The following MYB variants were observed in gnomAD, a reference collection of about 807,000 sequenced individuals.
MYB encodes the protein transcriptional activator Myb.
MYB carries 28 observed loss-of-function variants against 92.9 expected under a neutral mutation model. The observed-to-expected ratio is 0.30, with a 90% CI of 0.22 to 0.41. MYB has a LOEUF of 0.41. Among genes scored for constraint, MYB ranks in the 10% least tolerant of loss-of-function variants. MYB has a pLI of 1.00. For synonymous variants in MYB, 295 were observed against 329.1 expected, an observed-to-expected ratio of 0.90 and a Z score of 1.12; for missense variants, 679 against 929.3, an observed-to-expected ratio of 0.73 and a Z score of 3.50.
In MYB at chr6:135,189,792, A is replaced by C. The variant is rs1391099064; in HGVS notation, c.215A>C (p.Asn72Thr). 2 of 1,613,798 alleles carry C rather than the reference A, an allele frequency of 1.2e-6. No individual in the cohort carries two copies. The highest frequency in any genetic ancestry group is 2.2e-5 in the East Asian group (1 of 44,874). Residue 72 changes from asparagine to threonine, a missense_variant and splice_region_variant, in exon 4 of 16, where the codon AAT (asparagine) becomes ACT (threonine). Transcript: ENST00000341911. ...DWKVIANYLP[N>T]RTDVQCQHRW... ...GTGGTGCATACTTTATTTGTCTAGA[A>C]TCGAACAGATGTGCAGTGCCAGCAC...
chr6:135,207,313 T>G (rs1164085897), intron 15 of MYB, among the ~76,000 whole-genome samples: 1 of 152,238 alleles, frequency 6.6e-6, no homozygotes, highest in Admixed American at 6.5e-5. Context: ...ATTTTAAAAT[T>G]TGAATACTTC....
intron 3 of MYB, among the ~76,000 whole-genome samples, chr6:135,188,612 C>T (rs762325081): frequency 3.8e-4 from 58 of 151,392 alleles, no homozygotes; most frequent in Middle Eastern, 3.2e-3. Flanking sequence ...CAGGTTCAAG[C>T]GATTCTCGTG....
In MYB at chr6:135,194,299, G is replaced by A. The variant is rs920428028; in HGVS notation, c.844-57G>A. The A allele has an allele frequency of 1.2e-5, 16 of 1,316,536 alleles. No individual in the cohort carries two copies. The African/African-American group carries it at 2.2e-4, about 18-fold the overall frequency. The allele number at this position is 1,316,536 out of a possible 1,614,324, so 81.6% of individuals were successfully genotyped here. A position where few individuals can be genotyped will look rare whatever the true frequency, so the allele number is the denominator to read the frequency against. ...CATGACCATATTGGCTACACCCATT[G>A]TATTTGCAGCTTCCAATCAGACCTT... On this transcript the variant is annotated intron_variant, in intron 7 of 15. Coordinates refer to ENST00000341911, the MANE Select transcript of MYB (RefSeq NM_001130173.2).
intron 5 of MYB, among the ~76,000 whole-genome samples, chr6:135,192,018 C>T (rs1306382433): frequency 2.0e-5 from 3 of 152,068 alleles, no homozygotes; most frequent in South Asian, 4.1e-4. Context: ...GTACCGCGAC[C>T]GGTCAGAATA....
chr6:135,192,327 T>A lies in MYB; in HGVS notation c.531T>A (p.Thr177=). 6.2e-7 allele frequency: 1 copy of A among 1,612,584 alleles called. No individual in the cohort carries two copies. Among genetic ancestry groups the A allele is most frequent in the Non-Finnish European group, 8.5e-7 (1 of 1,178,652 alleles). ...AEIAKLLPGR[T]DNAIKNHWNS... ...TGTGTGATATATTTCTGTGCAGAAC[T>A]GATAATGCTATCAAGAACCACTGGA... The change falls in exon 6 of 16, where the codon ACT becomes ACA. Residue 177 remains threonine, a synonymous_variant. Coordinates refer to ENST00000341911, the MANE Select transcript of MYB (RefSeq NM_001130173.2).
chr6:135,194,950 T>C lies in MYB; in HGVS notation c.948+490T>C, dbSNP rs767751156. On this transcript the variant is annotated intron_variant, in intron 8 of 15. Coordinates refer to ENST00000341911, the MANE Select transcript of MYB (RefSeq NM_001130173.2). ...CATTAGCTGCTCTCTTTTATTTGCA[T>C]GTGTGAAAGTTATGTGGGCCATTAC... 5 of 1,326,612 alleles carry C rather than the reference T, an allele frequency of 3.8e-6. No individual in the cohort carries two copies. In the Admixed American group the frequency reaches 1.0e-4, roughly 28 times the overall value. 82.2% of individuals were successfully genotyped at this position (1,326,612 alleles called of 1,614,324 possible). A position where few individuals can be genotyped will look rare whatever the true frequency, so the allele number is the denominator to read the frequency against.
At chr6:135,200,558 G>T (rs1161305531) in intron 13 of MYB, 143 bp downstream of exon 13, 3 of 1,219,282 alleles carry the variant, frequency 2.5e-6, no homozygotes, top group African/African-American at 3.0e-5. Flanking sequence ...CAGCGAAAAG[G>T]TACTGCCAGA....
In MYB at chr6:135,200,195, T is replaced by C; in HGVS notation, c.1820T>C (p.Met607Thr). 1 of 1,614,144 alleles carries C rather than the reference T, an allele frequency of 6.2e-7. No homozygotes were observed. Among genetic ancestry groups the C allele is most frequent in the Non-Finnish European group, 8.5e-7 (1 of 1,179,978 alleles). Residue 607 changes from methionine (M) to threonine (T), a missense_variant, in exon 12 of 16, where the codon ATG (methionine) becomes ACG (threonine). Met to Thr is a moderately conservative substitution (Grantham distance 81). Transcript: ENST00000341911. ...AQEIKYGPLK[M>T]LPQTPSHLVE... ...GAAATTAAATACGGTCCCCTGAAGATGCTAGTAAGTTCTAGAAAAGTTTTT... is the reference window on the plus strand; with the variant it reads ...GAAATTAAATACGGTCCCCTGAAGACGCTAGTAAGTTCTAGAAAAGTTTTT...
chr6:135,202,970 A>G, intron 14 of MYB: 1 of 694,072 alleles, frequency 1.4e-6, no homozygotes, highest in Non-Finnish European at 2.6e-6. Flanking sequence ...TGCCTAACAC[A>G]TGCCTAGAAC....
rs942628536 is a variant in MYB at position 135,206,123 on chromosome 6, A to G, written c.2169+2799A>G. On this transcript the variant is annotated intron_variant, in intron 15 of 15. Transcript: ENST00000341911. ...TGGGAGGCTGAGGCAGGAGAATGGC[A>G]TGAACCCAGGAGGCGGAGCTTGCAG... 1.2e-4 allele frequency among the ~76,000 whole-genome samples: 17 copies of G among 146,228 alleles called. No homozygotes were observed. In the South Asian group the frequency reaches 2.0e-3, roughly 17 times the overall value.
At chr6:135,193,152 G>A (rs1017333079) in intron 6 of MYB, among the ~76,000 whole-genome samples, 1 of 152,120 alleles carries the variant, frequency 6.6e-6, no homozygotes, top group African/African-American at 2.4e-5. Flanking sequence ...CGTTGGATCA[G>A]TGTGATCCCT....
At chr6:135,197,647 C>G (rs183082071) in intron 10 of MYB, among the ~76,000 whole-genome samples, 1 of 152,286 alleles carries the variant, frequency 6.6e-6, no homozygotes, top group African/African-American at 2.4e-5. Flanking sequence ...TGATCCCTCC[C>G]TTTAAAATTG....
intron 8 of MYB, 149 bp from the exon 9 acceptor site, chr6:135,195,596 TGAC>T (rs1777189389): frequency 1.3e-6 from 1 of 797,730 alleles, no homozygotes; most frequent in Non-Finnish European, 2.0e-6. Flanking sequence ...GGAAACATCT[TGAC>T]AACTGTTTCA....
Position 135,181,963 on chromosome 6 carries a change from TG to T in MYB, c.23+429del, listed in dbSNP as rs1775121280. Reference sequence around the variant, plus strand: ...TTTGGACTTGGAAGTGCAGAGCATATGGCAGATACAGGGAAAATGCTGGATT... The same window carrying T: ...TTTGGACTTGGAAGTGCAGAGCATATGCAGATACAGGGAAAATGCTGGATT... On this transcript the variant is annotated intron_variant, in intron 1 of 15. Transcript: ENST00000341911. The surrounding 1 kb of genome is among the most constrained non-coding windows in gnomAD (Gnocchi z 5.3). Among the ~76,000 whole-genome samples the T allele has an allele frequency of 6.6e-6, 1 of 152,210 alleles. No homozygotes were observed. The highest frequency in any genetic ancestry group is 1.5e-5 in the Non-Finnish European group (1 of 68,038).
intron 8 of MYB, chr6:135,195,525 A>C (rs111508014): frequency 1.1e-5 from 6 of 526,978 alleles, no homozygotes; most frequent in African/African-American, 1.1e-4. Flanking sequence ...AAATGATAAC[A>C]AGGTAATCAT....
At position 135,197,246 on chromosome 6, in the gene MYB, T is replaced by C. The variant is rs758494608; in HGVS notation, c.1489T>C (p.Ser497Pro). Residue 497 changes from serine to proline, a missense_variant, in exon 10 of 16, where the codon TCC (serine) becomes CCC (proline). Coordinates refer to ENST00000341911, the MANE Select transcript of MYB (RefSeq NM_001130173.2). The stretch of plus-strand genomic sequence containing the variant: ...CCCCTTAGCCACTGGAGACTGTAGC[T>C]CCTTCATATTTGCTGACGTCAGCAG... ...ASPLATGDCSSFIFADVSSST... is the reference protein window; with the variant it reads ...ASPLATGDCSPFIFADVSSST... 1.9e-6 allele frequency: 3 copies of C among 1,613,952 alleles called. No individual in the cohort carries two copies. The highest frequency in any genetic ancestry group is 2.5e-6 in the Non-Finnish European group (3 of 1,179,878).
intron 2 of MYB, among the ~76,000 whole-genome samples, chr6:135,186,867 A>T (rs1237306483): frequency 6.6e-6 from 1 of 152,252 alleles, no homozygotes; most frequent in Non-Finnish European, 1.5e-5. Context: ...TAGATGATTC[A>T]TGTTACAATA....
rs552463623 is a variant in MYB, at chr6:135,212,582, G to T, written c.2170-5282G>T. Among the ~76,000 whole-genome samples the T allele has an allele frequency of 3.3e-5, 5 of 152,226 alleles. No homozygotes were observed. The East Asian group carries it at 9.7e-4, about 29-fold the overall frequency. ...ACTGTTTATAGTTCACTTCTGCCCA[G>T]GGGCAATTAAAGGCACATTACAGGA... On this transcript the variant is annotated intron_variant, in intron 15 of 15. Transcript: ENST00000341911.
intron 6 of MYB, 96 bp downstream of exon 6, chr6:135,192,654 T>C: frequency 1.7e-6 from 2 of 1,185,606 alleles, no homozygotes; most frequent in Non-Finnish European, 2.5e-6. Context: ...TTCAGAGAAC[T>C]TTCCTGAGCA....
Sources: gnomAD v4.1 joint callset for allele counts (sites outside exome capture counted in the v4.1 genomes callset) on GRCh38, gnomAD v4.1.1 for gene constraint, Gnocchi (gnomAD v3.1) non-coding constraint, MANE v1.5 for transcripts, NCBI Gene and HGNC (gene_info 2026-07-23, HGNC 2026-07-21) for gene names.